ZNF277: variants seen among roughly 807,000 people sequenced by gnomAD.
The protein encoded by ZNF277 is zinc finger protein 277, also known as nuclear receptor-interacting factor 4.
In ZNF277, 55 loss-of-function variants were observed where a neutral mutation model predicts 60.7. That is an observed-to-expected ratio of 0.91 (90% CI 0.73 to 1.13). The LOEUF is 1.13. Among genes scored for constraint, ZNF277 ranks in the 50% most tolerant of loss-of-function variants. The pLI, the probability that ZNF277 is intolerant of heterozygous loss-of-function variation, is 0.00. For synonymous variants in ZNF277, 178 were observed against 179.3 expected, an observed-to-expected ratio of 0.99 and a Z score of 0.06; for missense variants, 510 against 523.0, an observed-to-expected ratio of 0.98 and a Z score of 0.24.
At chr7:112,265,262 C>G (rs1791524268) in intron 1 of ZNF277, among the ~76,000 whole-genome samples, 1 of 152,108 alleles carries the variant, frequency 6.6e-6, no homozygotes, top group Admixed American at 6.6e-5. Flanking sequence ...ACTTGAGACT[C>G]TTCACTTGAA....
At chr7:112,296,069 T>A in intron 3 of ZNF277, 112 bp downstream of exon 3, 1 of 1,051,972 alleles carries the variant, frequency 9.5e-7, no homozygotes, top group South Asian at 1.4e-5. Flanking sequence ...TAAAATTAAA[T>A]TGATGTGTTT....
intron 4 of ZNF277, among the ~76,000 whole-genome samples, chr7:112,297,660 TCC>T (rs1289085732): frequency 6.6e-6 from 1 of 152,210 alleles, no homozygotes; most frequent in Non-Finnish European, 1.5e-5. Context: ...TTCTCTTCTC[TCC>T]TTATAGCAGT....
chr7:112,337,671 G>C, intron 8 of ZNF277, 59 bp from the exon 9 acceptor site: 2 of 1,453,474 alleles, frequency 1.4e-6, no homozygotes, highest in Non-Finnish European at 1.9e-6. Flanking sequence ...AAGTCACTGT[G>C]TAGTATACTC....
intron 8 of ZNF277, among the ~76,000 whole-genome samples, chr7:112,337,079 T>C (rs1469425420): frequency 6.6e-6 from 1 of 152,180 alleles, no homozygotes; most frequent in East Asian, 1.9e-4. Flanking sequence ...TGAATTTGAA[T>C]GGGTGTTCCT....
intron 1 of ZNF277, among the ~76,000 whole-genome samples, chr7:112,247,264 T>G (rs1011973729): frequency 6.6e-6 from 1 of 152,174 alleles, no homozygotes; most frequent in African/African-American, 2.4e-5. Context: ...TTGGCCCAAA[T>G]GAGCTCTCTA....
intron 1 of ZNF277, among the ~76,000 whole-genome samples, chr7:112,283,823 G>T (rs558286712): frequency 6.6e-6 from 1 of 152,260 alleles, no homozygotes; most frequent in African/African-American, 2.4e-5. Context: ...GTGATTTTTG[G>T]ACAATGTGGG....
At chr7:112,260,770 G>T (rs998638819) in intron 1 of ZNF277, among the ~76,000 whole-genome samples, 5 of 152,190 alleles carry the variant, frequency 3.3e-5, no homozygotes, top group Admixed American at 2.0e-4. Flanking sequence ...AGGTGGGCTA[G>T]GCGGAGAGCA....
chr7:112,291,066 A>G (rs925042209), intron 2 of ZNF277, among the ~76,000 whole-genome samples: 2 of 152,158 alleles, frequency 1.3e-5, no homozygotes, highest in Non-Finnish European at 2.9e-5. Flanking sequence ...ACAAAATAAC[A>G]CTAAAACTTC....
chr7:112,298,770 C>T (rs560010802), intron 4 of ZNF277, among the ~76,000 whole-genome samples: 7 of 152,196 alleles, frequency 4.6e-5, no homozygotes, highest in South Asian at 2.1e-4. Flanking sequence ...TATTAAATGC[C>T]GTTCTATTTA....
chr7:112,260,940 A>G (rs867809212), intron 1 of ZNF277, among the ~76,000 whole-genome samples: 2 of 152,220 alleles, frequency 1.3e-5, no homozygotes, highest in African/African-American at 2.4e-5. Context: ...CCAAGATTTG[A>G]TAGATTTGTT....
chr7:112,216,602 C>T (rs577499179), intron 1 of ZNF277, among the ~76,000 whole-genome samples: 4 of 152,296 alleles, frequency 2.6e-5, no homozygotes, highest in Admixed American at 6.5e-5. Flanking sequence ...CTTCTCCTTC[C>T]GACTGACTGT....
chr7:112,325,871 C>T (rs1375729272), intron 5 of ZNF277, among the ~76,000 whole-genome samples: 1 of 152,196 alleles, frequency 6.6e-6, no homozygotes, highest in Non-Finnish European at 1.5e-5. Context: ...TCCCTCCCAG[C>T]AAGCTGCTGG....
intron 1 of ZNF277, among the ~76,000 whole-genome samples, chr7:112,260,319 T>A (rs552099309): frequency 6.6e-6 from 1 of 152,352 alleles, no homozygotes; most frequent in South Asian, 2.1e-4. Context: ...AAGACAAAAG[T>A]AATTCCTTTA....
chr7:112,286,753 G>T, intron 1 of ZNF277, 120 bp from the exon 2 acceptor site: 1 of 836,722 alleles, frequency 1.2e-6, no homozygotes. Flanking sequence ...TTTTCTTTTT[G>T]GAGACATGTA....
chr7:112,321,426 T>C (rs892550047), intron 5 of ZNF277, among the ~76,000 whole-genome samples: 1 of 152,122 alleles, frequency 6.6e-6, no homozygotes, highest in Non-Finnish European at 1.5e-5. Context: ...CTTTATATAT[T>C]ATCAGCTCAT....
At chr7:112,300,925 T>A (rs1451139935) in intron 4 of ZNF277, among the ~76,000 whole-genome samples, 1 of 152,058 alleles carries the variant, frequency 6.6e-6, no homozygotes, top group Admixed American at 6.6e-5. Context: ...AAGTCCCACA[T>A]CCATACTCAT....
At chr7:112,341,332 A>G (rs1210804183) in intron 11 of ZNF277, among the ~76,000 whole-genome samples, 1 of 152,238 alleles carries the variant, frequency 6.6e-6, no homozygotes, top group Non-Finnish European at 1.5e-5. Context: ...TATTTTATTA[A>G]CAAAATATTG....
At chr7:112,289,849 C>T (rs1462640421) in intron 2 of ZNF277, among the ~76,000 whole-genome samples, 3 of 152,192 alleles carry the variant, frequency 2.0e-5, no homozygotes, top group African/African-American at 4.8e-5. Flanking sequence ...CTCAGCCTCC[C>T]CAAGTAGCTG....
intron 1 of ZNF277, among the ~76,000 whole-genome samples, chr7:112,279,985 C>A (rs528254696): frequency 1.3e-5 from 2 of 152,200 alleles, no homozygotes; most frequent in South Asian, 4.2e-4. Context: ...GTGTAAACTT[C>A]TATTGAAATA....
Sources: allele counts gnomAD v4.1 joint callset (sites outside exome capture counted in the v4.1 genomes callset), GRCh38; gene constraint gnomAD v4.1.1; transcripts MANE v1.5; gene names NCBI Gene and HGNC (gene_info 2026-07-23, HGNC 2026-07-21).